GALNT13: variants seen among roughly 807,000 people sequenced by gnomAD.
GALNT13 encodes the protein polypeptide N-acetylgalactosaminyltransferase 13, also known as UDP-GalNAc:polypeptide N-acetylgalactosaminyltransferase 13.
In GALNT13, 28 loss-of-function variants were observed where a neutral mutation model predicts 64.2. The ratio of observed to expected loss-of-function variants is 0.44; its 90% CI spans 0.32 to 0.60. The LOEUF (loss-of-function observed/expected upper bound fraction) is 0.60. GALNT13 is among the 20% of genes least tolerant of loss of function. GALNT13 has a pLI of 0.05. For missense variants in GALNT13, 577 were observed against 669.8 expected, an observed-to-expected ratio of 0.86 and a Z score of 1.53; for synonymous variants, 214 against 224.6, an observed-to-expected ratio of 0.95 and a Z score of 0.42.
At chr2:153,592,871 T>G in the GALNT13 span, 1 of 151,410 alleles carries the variant, frequency 6.6e-6, no homozygotes, top group Non-Finnish European at 1.5e-5. Context: ...TTGAGATGAG[T>G]CAATTTAGAG....
At chr2:154,445,183 A>G (rs1368956689) in intron 12 of GALNT13, among the ~76,000 whole-genome samples, 2 of 151,946 alleles carry the variant, frequency 1.3e-5, no homozygotes, top group Admixed American at 6.6e-5. Context: ...AAGTACCTGG[A>G]ATGAAACTTC....
chr2:154,019,810 T>C (rs1256180431), intron 3 of GALNT13, among the ~76,000 whole-genome samples: 1 of 151,992 alleles, frequency 6.6e-6, no homozygotes, highest in African/African-American at 2.4e-5. Flanking sequence ...ATTAACTCGT[T>C]ATCTAGCATT....
chr2:154,361,050 G>A (rs1289847772), intron 9 of GALNT13, among the ~76,000 whole-genome samples: 1 of 152,046 alleles, frequency 6.6e-6, no homozygotes, highest in Non-Finnish European at 1.5e-5. Context: ...GGAGTGAGTG[G>A]TGGGGAAGAA....
At chr2:154,191,087 C>A (rs1306226117) in intron 4 of GALNT13, among the ~76,000 whole-genome samples, 1 of 152,150 alleles carries the variant, frequency 6.6e-6, no homozygotes, top group Non-Finnish European at 1.5e-5. Flanking sequence ...CAAGGGTTTT[C>A]AGAACCTTTA....
chr2:153,637,186 A>T, the GALNT13 span, among the ~76,000 whole-genome samples: 1 of 152,126 alleles, frequency 6.6e-6, no homozygotes, highest in Non-Finnish European at 1.5e-5. Flanking sequence ...CAAATTGCTA[A>T]TCTCTAAAAT....
chr2:153,147,062 C>G, the GALNT13 span, among the ~76,000 whole-genome samples: 7 of 151,758 alleles, frequency 4.6e-5, no homozygotes, highest in Admixed American at 2.0e-4. Flanking sequence ...AGTAGTATCT[C>G]ATTTTATAGG....
chr2:153,764,729 T>G, the GALNT13 span, among the ~76,000 whole-genome samples: 1 of 152,350 alleles, frequency 6.6e-6, no homozygotes, highest in Admixed American at 6.5e-5. Flanking sequence ...GACCTTCATC[T>G]GCAGCCCCTC....
chr2:153,992,418 A>G (rs1358625241), intron 3 of GALNT13, among the ~76,000 whole-genome samples: 1 of 152,218 alleles, frequency 6.6e-6, no homozygotes, highest in African/African-American at 2.4e-5. Flanking sequence ...AATGCTATTT[A>G]TAATGCATGT....
intron 9 of GALNT13, among the ~76,000 whole-genome samples, chr2:154,329,506 G>T (rs1466354658): frequency 6.6e-6 from 1 of 152,080 alleles, no homozygotes; most frequent in Non-Finnish European, 1.5e-5. Flanking sequence ...CTTTGCTTTT[G>T]CCAGTTCGGT....
intron 3 of GALNT13, among the ~76,000 whole-genome samples, chr2:154,055,228 A>G (rs1699836773): frequency 6.6e-6 from 1 of 152,058 alleles, no homozygotes; most frequent in Non-Finnish European, 1.5e-5. Flanking sequence ...AGATAAAATA[A>G]TATCTTTGAT....
chr2:154,030,041 A>G (rs1023152968), intron 3 of GALNT13, among the ~76,000 whole-genome samples: 12 of 152,268 alleles, frequency 7.9e-5, no homozygotes, highest in Non-Finnish European at 1.8e-4. Flanking sequence ...GTAGTCTTAA[A>G]TATGTGTACT....
chr2:154,052,473 GTC>G (rs1378407820), intron 3 of GALNT13, among the ~76,000 whole-genome samples: 2 of 151,918 alleles, frequency 1.3e-5, no homozygotes, highest in Non-Finnish European at 2.9e-5. Flanking sequence ...TTCTCAAACT[GTC>G]TTAGAATTTT....
chr2:153,443,829 AG>A, the GALNT13 span, among the ~76,000 whole-genome samples: 1 of 152,254 alleles, frequency 6.6e-6, no homozygotes, highest in South Asian at 2.1e-4. Flanking sequence ...AGGCTGAGAC[AG>A]GAGAATTGCT....
At chr2:153,127,874 T>C in the GALNT13 span, among the ~76,000 whole-genome samples, 1 of 152,198 alleles carries the variant, frequency 6.6e-6, no homozygotes, top group Non-Finnish European at 1.5e-5. Context: ...TAAAGTTCCT[T>C]TGACCACTTG....
At chr2:153,466,969 G>A in the GALNT13 span, among the ~76,000 whole-genome samples, 3 of 151,898 alleles carry the variant, frequency 2.0e-5, no homozygotes, top group Non-Finnish European at 4.4e-5. Context: ...TATAATAAGT[G>A]CTCAATAAAA....
the GALNT13 span, among the ~76,000 whole-genome samples, chr2:153,798,896 T>C: frequency 2.6e-5 from 4 of 152,310 alleles, no homozygotes; most frequent in South Asian, 6.2e-4. Flanking sequence ...AGCACTATTA[T>C]TGCTGATATT....
chr2:153,464,762 G>A, the GALNT13 span, among the ~76,000 whole-genome samples: 2 of 151,912 alleles, frequency 1.3e-5, no homozygotes, highest in South Asian at 2.1e-4. Context: ...CAGACAACTC[G>A]GGTCTTAGGA....
chr2:153,129,474 G>A, the GALNT13 span, among the ~76,000 whole-genome samples: 1,167 of 152,158 alleles, frequency 7.7e-3, 10 homozygotes, highest in African/African-American at 0.022. Context: ...GAGAATAACC[G>A]TTTAATAAGA....
the GALNT13 span, among the ~76,000 whole-genome samples, chr2:153,554,831 G>A: frequency 2.0e-5 from 3 of 152,010 alleles, no homozygotes; most frequent in Non-Finnish European, 4.4e-5. Context: ...ACTCACATAC[G>A]CCCTTTGCTT....
Sources: gnomAD v4.1 joint callset for allele counts (sites outside exome capture counted in the v4.1 genomes callset) on GRCh38, gnomAD v4.1.1 for gene constraint, MANE v1.5 for transcripts, NCBI Gene and HGNC (gene_info 2026-07-23, HGNC 2026-07-21) for gene names.